SLCO3A1: variants seen among roughly 807,000 people sequenced by gnomAD.
The protein encoded by SLCO3A1 is solute carrier organic anion transporter family member 3A1.
SLCO3A1 carries 27 observed loss-of-function variants against 63.1 expected under a neutral mutation model. That is an observed-to-expected ratio of 0.43 (90% CI 0.32 to 0.59). The LOEUF (loss-of-function observed/expected upper bound fraction) is 0.59. SLCO3A1 is among the 20% of genes least tolerant of loss of function. The pLI is 0.09. For missense variants in SLCO3A1, 773 were observed against 945.8 expected (o/e 0.82, Z 2.40); for synonymous variants, 473 against 409.9 (o/e 1.15, Z -1.86).
rs1047891517 is a variant in SLCO3A1, at chr15:92,125,978, C to T, written c.1175-83C>T. On this transcript the variant is annotated intron_variant, in intron 5 of 9. Coordinates refer to ENST00000318445, the MANE Select transcript of SLCO3A1 (RefSeq NM_013272.4). ...GGGGTCATAGGGCATTCACGGGACT[C>T]AGCCTCAGGCCTGCTGCCCGCCTGT... The T allele has an allele frequency of 5.0e-6, 6 of 1,204,434 alleles. No individual in the cohort carries two copies. In the African/African-American group the frequency reaches 7.5e-5, roughly 15 times the overall value. 74.6% of individuals were successfully genotyped at this position (1,204,434 alleles called of 1,614,324 possible). A position where few individuals can be genotyped will look rare whatever the true frequency, so the allele number is the denominator to read the frequency against.
chr15:91,941,340 C>G lies in SLCO3A1; in HGVS notation c.646+24882C>G, dbSNP rs1191936122. The G allele has an allele frequency of 5.5e-6, 2 of 361,044 alleles. No individual in the cohort carries two copies. Among genetic ancestry groups the G allele is most frequent in the African/African-American group, 4.3e-5 (2 of 46,756 alleles). The allele number at this position is 361,044 out of a possible 1,614,324, so 22.4% of individuals were successfully genotyped here. A position where few individuals can be genotyped will look rare whatever the true frequency, so the allele number is the denominator to read the frequency against. On this transcript the variant is annotated intron_variant, in intron 2 of 9. Transcript: ENST00000318445. The surrounding 1 kb of genome is among the most constrained non-coding windows in gnomAD (Gnocchi z 4.4). Reference sequence around the variant, plus strand: ...ACTGAATCAGTGCATGAGTGACCAGCTAGGACTGAGCCCAAAGACCTGAGA... The same window carrying G: ...ACTGAATCAGTGCATGAGTGACCAGGTAGGACTGAGCCCAAAGACCTGAGA...
At chr15:92,016,258 A>ATAGATAGATAGATAGATAGATAGATAGAT (rs2046433400) in intron 2 of SLCO3A1, among the ~76,000 whole-genome samples, 1 of 126,174 alleles carries the variant, frequency 7.9e-6, no homozygotes, top group Non-Finnish European at 1.6e-5. Flanking sequence ...GATAGATTAG[A>ATAGATAGATAGATAGATAGATAGATAGAT]TAGATAGATA....
rs145455877 is a variant in SLCO3A1, at chr15:92,145,563, G to A, written c.1513-1421G>A. Among the ~76,000 whole-genome samples the A allele has an allele frequency of 8.9e-3, 1,351 of 152,224 alleles. 21 individuals carry two copies. Among genetic ancestry groups the A allele is most frequent in the African/African-American group, 0.031 (1,302 of 41,542 alleles). On this transcript the variant is annotated intron_variant, in intron 7 of 9. Transcript: ENST00000318445. Reference sequence around the variant, plus strand: ...TAGGGTGGAGCGACCCTTGAAAAGGGCCCTGCAGGACTTGGAAGGAGGCTG... The same window carrying A: ...TAGGGTGGAGCGACCCTTGAAAAGGACCCTGCAGGACTTGGAAGGAGGCTG...
chr15:92,021,465 T>A (rs1192757700), intron 2 of SLCO3A1, among the ~76,000 whole-genome samples: 4 of 152,236 alleles, frequency 2.6e-5, no homozygotes, highest in Admixed American at 2.6e-4. Context: ...TTTTGCTTTC[T>A]GTCTTCTCTC....
intron 2 of SLCO3A1, among the ~76,000 whole-genome samples, chr15:92,009,940 T>C (rs774860447): frequency 3.3e-5 from 5 of 152,128 alleles, no homozygotes; most frequent in Non-Finnish European, 5.9e-5. Context: ...AGAGGGACAG[T>C]GGCACATGGA....
At position 92,162,913 on chromosome 15, in the gene SLCO3A1, C is replaced by T; in HGVS notation, c.1911C>T (p.Ala637=). Reference sequence around the variant, plus strand: ...TCGCCATCGCGCTCAAATCCTTCGCCTTCATCCTGTACACCACCACGTGGC... The same window carrying T: ...TCGCCATCGCGCTCAAATCCTTCGCTTTCATCCTGTACACCACCACGTGGC... ...VSIAIALKSF[A]FILYTTTWQC... The change falls in exon 10 of 10, where the codon GCC becomes GCT. Residue 637 remains alanine, a synonymous_variant. Coordinates refer to ENST00000318445, the MANE Select transcript of SLCO3A1 (RefSeq NM_013272.4). 1 of 1,614,228 alleles carries T rather than the reference C, an allele frequency of 6.2e-7. No homozygotes were observed. The highest frequency in any genetic ancestry group is 8.5e-7 in the Non-Finnish European group (1 of 1,180,040).
At chr15:92,099,390 T>G (rs891643530) in intron 3 of SLCO3A1, among the ~76,000 whole-genome samples, 2 of 152,152 alleles carry the variant, frequency 1.3e-5, no homozygotes, top group African/African-American at 4.8e-5. Context: ...CTCTTGGAAT[T>G]CTTGAGTCCC....
chr15:91,959,392 A>G (rs1900352051), intron 2 of SLCO3A1, among the ~76,000 whole-genome samples: 1 of 151,464 alleles, frequency 6.6e-6, no homozygotes, highest in African/African-American at 2.4e-5. Flanking sequence ...TCGTTCATGT[A>G]ATGAAAAACC....
intron 9 of SLCO3A1, among the ~76,000 whole-genome samples, chr15:92,158,530 G>C (rs2048399349): frequency 1.3e-5 from 2 of 152,192 alleles, no homozygotes; most frequent in East Asian, 1.9e-4. Context: ...TCCTGGGTAG[G>C]GGGTAGTTAA....
chr15:92,169,626 C>G (rs2048511060), downstream of SLCO3A1, among the ~76,000 whole-genome samples: 1 of 152,220 alleles, frequency 6.6e-6, no homozygotes, highest in Non-Finnish European at 1.5e-5. Flanking sequence ...CACCAAGATG[C>G]CAGGGAGGCA....
At chr15:92,011,529 T>C (rs894169447) in intron 2 of SLCO3A1, among the ~76,000 whole-genome samples, 5 of 152,116 alleles carry the variant, frequency 3.3e-5, no homozygotes, top group African/African-American at 9.7e-5. Flanking sequence ...AAAAATTCCA[T>C]CTTATCAGAG....
At chr15:91,877,921 A>T (rs1897441653) in intron 1 of SLCO3A1, among the ~76,000 whole-genome samples, 1 of 151,962 alleles carries the variant, frequency 6.6e-6, no homozygotes, top group Non-Finnish European at 1.5e-5. Flanking sequence ...TTACCAGGTG[A>T]TGGGGCCACA....
In SLCO3A1 at chr15:92,120,525, C is replaced by A; in HGVS notation, c.1070C>A (p.Ala357Asp). The A allele has an allele frequency of 6.2e-7, 1 of 1,614,114 alleles. No individual in the cohort carries two copies. The highest frequency in any genetic ancestry group is 8.5e-7 in the Non-Finnish European group (1 of 1,180,000). Residue 357 changes from alanine (A) to aspartate (D), a missense_variant, in exon 5 of 10, where the codon GCC becomes GAC. Ala to Asp is a moderately radical substitution (Grantham distance 126). Coordinates refer to ENST00000318445, the MANE Select transcript of SLCO3A1 (RefSeq NM_013272.4). ...SNPVFTCIIL[A>D]ACMEIAVVAG... is the part of the protein sequence containing the mutation. ...CCTGTGTTCACCTGCATCATCCTGG[C>A]CGCCTGCATGGAGATTGCAGTGGTG...
chr15:92,157,397 A>G (rs1268432898), intron 9 of SLCO3A1, among the ~76,000 whole-genome samples: 6 of 151,772 alleles, frequency 4.0e-5, no homozygotes, highest in African/African-American at 1.5e-4. Context: ...GGTGCTCAAA[A>G]CCAGAGAGGA....
intron 7 of SLCO3A1, among the ~76,000 whole-genome samples, chr15:92,134,176 T>C (rs1385433950): frequency 6.6e-6 from 1 of 152,212 alleles, no homozygotes; most frequent in Non-Finnish European, 1.5e-5. Flanking sequence ...TGAGCCATTT[T>C]TTAAGTGTAT....
chr15:92,070,098 A>G (rs1456899712), intron 2 of SLCO3A1, among the ~76,000 whole-genome samples: 4 of 152,200 alleles, frequency 2.6e-5, no homozygotes, highest in Non-Finnish European at 4.4e-5. Context: ...GGCAGGGTGG[A>G]AAGAAAACGT....
chr15:91,932,236 C>T (rs577856449), intron 2 of SLCO3A1, among the ~76,000 whole-genome samples: 2 of 152,168 alleles, frequency 1.3e-5, no homozygotes, highest in East Asian at 3.9e-4. Context: ...CAAATCTGGC[C>T]TGAAATTGAG....
At chr15:92,120,098 T>A (rs186486572) in intron 4 of SLCO3A1, among the ~76,000 whole-genome samples, 20 of 152,068 alleles carry the variant, frequency 1.3e-4, no homozygotes, top group Admixed American at 4.6e-4. Flanking sequence ...CACACACATT[T>A]TTTTTTCTTT....
At chr15:91,974,716 C>T (rs902095159) in intron 2 of SLCO3A1, among the ~76,000 whole-genome samples, 2 of 152,108 alleles carry the variant, frequency 1.3e-5, no homozygotes, top group East Asian at 1.9e-4. Flanking sequence ...AAAATCTCTC[C>T]GAAAGAGGAA....
Sources: gnomAD v4.1 joint callset for allele counts (sites outside exome capture counted in the v4.1 genomes callset) on GRCh38, gnomAD v4.1.1 for gene constraint, Gnocchi (gnomAD v3.1) non-coding constraint, MANE v1.5 for transcripts, NCBI Gene and HGNC (gene_info 2026-07-23, HGNC 2026-07-21) for gene names.